Variants in AFDN observed in about 807,000 individuals in gnomAD.
AFDN encodes the protein afadin.
Under a neutral mutation model 216.6 loss-of-function variants are expected in AFDN, and 68 were observed. That is an observed-to-expected ratio of 0.31 (90% CI 0.26 to 0.38). AFDN has a LOEUF of 0.38. Among genes scored for constraint, AFDN ranks in the 10% least tolerant of loss-of-function variants. AFDN has a pLI of 1.00. For synonymous variants in AFDN, 868 were observed against 853.7 expected (o/e 1.02, Z -0.29); for missense variants, 2,136 against 2,342.0 (o/e 0.91, Z 1.82).
chr6:167,835,841 T>C (rs1273841049), intron 1 of AFDN, among the ~76,000 whole-genome samples: 1 of 152,188 alleles, frequency 6.6e-6, no homozygotes, highest in Non-Finnish European at 1.5e-5. Flanking sequence ...GACTGCAGTT[T>C]ATGAGCTGCT....
intron 6 of AFDN, among the ~76,000 whole-genome samples, chr6:167,881,317 T>A (rs550304953): frequency 1.4e-4 from 21 of 152,346 alleles, no homozygotes; most frequent in Admixed American, 2.0e-4. Flanking sequence ...AGCTCAACTT[T>A]AGCTGACAGT....
At chr6:167,954,520 T>A in intron 30 of AFDN, 1 of 1,596,546 alleles carries the variant, frequency 6.3e-7, no homozygotes, top group Non-Finnish European at 8.5e-7. Flanking sequence ...TTCCCTTTGG[T>A]ACTTTTTTCC....
chr6:167,896,494 A>G (rs1026033306), intron 9 of AFDN, among the ~76,000 whole-genome samples: 1 of 152,236 alleles, frequency 6.6e-6, no homozygotes, highest in Non-Finnish European at 1.5e-5. Context: ...GGCAGCAAGA[A>G]TACTGCAGGA....
chr6:167,880,287 A>T, intron 5 of AFDN, 73 bp from the exon 6 acceptor site: 1 of 1,398,302 alleles, frequency 7.2e-7, no homozygotes, highest in South Asian at 1.3e-5. Context: ...TTCTCAAGTG[A>T]CTGTAAATGT....
chr6:167,964,059 G>T, intron 31 of AFDN: 1 of 1,064,322 alleles, frequency 9.4e-7, no homozygotes, highest in African/African-American at 1.6e-5. Context: ...AGAGGACCAG[G>T]CCATGTTTTT....
chr6:167,910,904 T>C (rs1392537916), intron 13 of AFDN, among the ~76,000 whole-genome samples, 197 bp from the exon 14 acceptor site: 2 of 152,172 alleles, frequency 1.3e-5, no homozygotes, highest in Non-Finnish European at 2.9e-5. Flanking sequence ...CTAACCTTCT[T>C]AGAGGAGTCG....
intron 23 of AFDN, among the ~76,000 whole-genome samples, chr6:167,925,340 G>A (rs1030107359): frequency 6.6e-6 from 1 of 152,190 alleles, no homozygotes; most frequent in African/African-American, 2.4e-5. Context: ...TGAGCAGATG[G>A]TGCTCAGAAG....
At chr6:167,892,128 C>A (rs1267491695) in intron 8 of AFDN, among the ~76,000 whole-genome samples, 1 of 152,118 alleles carries the variant, frequency 6.6e-6, no homozygotes, top group Non-Finnish European at 1.5e-5. Context: ...CATTTTGATG[C>A]CACAGTTAGT....
chr6:167,888,287 T>C (rs1023964396), intron 6 of AFDN, among the ~76,000 whole-genome samples: 1 of 152,152 alleles, frequency 6.6e-6, no homozygotes, highest in African/African-American at 2.4e-5. Context: ...AATTACAGGG[T>C]TCTGTAGAAG....
intron 1 of AFDN, chr6:167,827,546 G>C (rs1779282452): frequency 6.9e-6 from 1 of 144,648 alleles, no homozygotes; most frequent in Non-Finnish European, 1.5e-5. Flanking sequence ...CCCCACCCCC[G>C]CGAGCGCGGC....
chr6:167,878,380 G>A (rs1033427128), intron 5 of AFDN, among the ~76,000 whole-genome samples: 4 of 152,110 alleles, frequency 2.6e-5, no homozygotes, highest in African/African-American at 9.7e-5. Flanking sequence ...GATGTGGAGT[G>A]TAATTAAATA....
chr6:167,926,336 T>G (rs2128522467), intron 23 of AFDN, among the ~76,000 whole-genome samples: 1 of 152,368 alleles, frequency 6.6e-6, no homozygotes, highest in East Asian at 1.9e-4. Flanking sequence ...AGGTCCTGGC[T>G]TTGAACCGAA....
chr6:167,964,786 T>G (rs1797375194), intron 31 of AFDN: 1 of 1,066,194 alleles, frequency 9.4e-7, no homozygotes. Flanking sequence ...TACAATTCAT[T>G]GTACTTCATT....
In AFDN at chr6:167,905,123, C is replaced by T. The variant is rs143237483; in HGVS notation, c.1651-2048C>T. ...GGCCCCTTCTTGTCTCAGACCTCAG[C>T]TTAAAGCCACATTCCTGAAGAGGTT... On this transcript the variant is annotated intron_variant, in intron 12 of 33. Coordinates refer to ENST00000683244, the MANE Select transcript of AFDN (RefSeq NM_001386888.1). 2.3e-3 allele frequency among the ~76,000 whole-genome samples: 351 copies of T among 152,310 alleles called. 4 individuals are homozygous for T. Among genetic ancestry groups the T allele is most frequent in the African/African-American group, 7.5e-3 (311 of 41,566 alleles).
At chr6:167,902,485 G>T (rs1789111576) in intron 12 of AFDN, 99 bp downstream of exon 12, 1 of 875,292 alleles carries the variant, frequency 1.1e-6, no homozygotes, top group East Asian at 2.6e-5. Flanking sequence ...ATTTGTGGGG[G>T]ATGTGTTCCA....
In AFDN at chr6:167,918,349, C is replaced by T. The variant is rs1275750010; in HGVS notation, c.2710-386C>T. Among the ~76,000 whole-genome samples the T allele has an allele frequency of 5.9e-5, 9 of 152,172 alleles. 1 individual carries two copies. The South Asian group carries it at 8.3e-4, about 14-fold the overall frequency. ...TATTTTACATTGTGTGGGCTTTTCC[C>T]TATATCATTAAACATTCTATACAAA... On this transcript the variant is annotated intron_variant, in intron 20 of 33. Coordinates refer to ENST00000683244, the MANE Select transcript of AFDN (RefSeq NM_001386888.1).
At chr6:167,850,492 T>C (rs1043322913) in intron 1 of AFDN, among the ~76,000 whole-genome samples, 1 of 152,196 alleles carries the variant, frequency 6.6e-6, no homozygotes, top group Non-Finnish European at 1.5e-5. Flanking sequence ...ACTTTGATTA[T>C]AGGAAGTTTC....
intron 5 of AFDN, among the ~76,000 whole-genome samples, chr6:167,877,075 GA>G (rs1785471965): frequency 6.6e-6 from 1 of 152,160 alleles, no homozygotes; most frequent in African/African-American, 2.4e-5. Flanking sequence ...AGGGGCCTCT[GA>G]GCTCTGTCAT....
Position 167,950,906 on chromosome 6 carries a change from AGG to A in AFDN, c.3832-279_3832-278del, listed in dbSNP as rs1795902854. On this transcript the variant is annotated intron_variant, in intron 29 of 33. Transcript: ENST00000683244. ...AGTCGAGACAGAGACTATGTTACCC[AGG>A]CTGGTCTCGAACTCCTGGGCTCAAG... is the stretch of plus-strand genomic sequence containing the variant. 2.1e-5 allele frequency among the ~76,000 whole-genome samples: 3 copies of A among 146,236 alleles called. No individual in the cohort carries two copies. The East Asian group carries it at 6.1e-4, about 30-fold the overall frequency.
Sources: allele counts gnomAD v4.1 joint callset (sites outside exome capture counted in the v4.1 genomes callset), GRCh38; gene constraint gnomAD v4.1.1; transcripts MANE v1.5; gene names NCBI Gene and HGNC (gene_info 2026-07-23, HGNC 2026-07-21).